Variants in KCNIP1 observed in about 807,000 individuals in gnomAD.
The protein encoded by KCNIP1 is potassium voltage-gated channel interacting protein 1, also known as A-type potassium channel modulatory protein KCNIP1.
In KCNIP1, 18 loss-of-function variants were observed where a neutral mutation model predicts 33.0. The ratio of observed to expected loss-of-function variants is 0.55; its 90% CI spans 0.38 to 0.81. The LOEUF (loss-of-function observed/expected upper bound fraction) is 0.81. Ranked by LOEUF, KCNIP1 falls within the 30% of genes least tolerant of loss-of-function variation. KCNIP1 has a pLI of 0.00. For missense variants in KCNIP1, 238 were observed against 271.6 expected (o/e 0.88, Z 0.87); for synonymous variants, 93 against 98.3 (o/e 0.95, Z 0.32).
At chr5:170,702,400 C>T (rs536869821) in intron 1 of KCNIP1, among the ~76,000 whole-genome samples, 19 of 152,310 alleles carry the variant, frequency 1.2e-4, no homozygotes, top group South Asian at 6.2e-4. Context: ...AAAAGCCACA[C>T]GCTCTGTGAC....
chr5:170,557,289 G>A (rs1264605916), intron 1 of KCNIP1, among the ~76,000 whole-genome samples: 5 of 152,196 alleles, frequency 3.3e-5, no homozygotes, highest in Non-Finnish European at 5.9e-5. Context: ...CCAGTATCCA[G>A]GCATGGTGGC....
intron 1 of KCNIP1, among the ~76,000 whole-genome samples, chr5:170,367,644 C>G (rs138766947): frequency 5.3e-4 from 81 of 152,306 alleles, no homozygotes; most frequent in African/African-American, 1.8e-3. Context: ...TACTCTTTCT[C>G]TTTACATGTC....
chr5:170,487,885 A>G (rs116812936), intron 1 of KCNIP1, among the ~76,000 whole-genome samples: 263 of 152,166 alleles, frequency 1.7e-3, no homozygotes, highest in Non-Finnish European at 2.8e-3. Flanking sequence ...GGCAACCAAT[A>G]AACACATTGG....
intron 5 of KCNIP1, among the ~76,000 whole-genome samples, chr5:170,723,861 G>A (rs1023129092): frequency 6.6e-6 from 1 of 152,220 alleles, no homozygotes; most frequent in Admixed American, 6.5e-5. Flanking sequence ...GTTCCAGGCA[G>A]AAGGAACAGC....
chr5:170,524,290 A>G (rs1282192758), intron 1 of KCNIP1, among the ~76,000 whole-genome samples: 1 of 151,750 alleles, frequency 6.6e-6, no homozygotes, highest in Non-Finnish European at 1.5e-5. Context: ...GTGACACCCA[A>G]CCCTATCAGA....
At chr5:170,467,275 G>A (rs1008915178) in intron 1 of KCNIP1, among the ~76,000 whole-genome samples, 1 of 152,134 alleles carries the variant, frequency 6.6e-6, no homozygotes, top group African/African-American at 2.4e-5. Flanking sequence ...AGAGAGACCT[G>A]AGCACATTTA....
rs1757253522 is a variant in KCNIP1, at chr5:170,567,782, G to A, written c.61+63149G>A. 2.0e-5 allele frequency among the ~76,000 whole-genome samples: 3 copies of A among 152,222 alleles called. No homozygotes were observed. In the South Asian group the frequency reaches 6.2e-4, roughly 32 times the overall value. On this transcript the variant is annotated intron_variant, in intron 1 of 7. Transcript: ENST00000328939. The stretch of plus-strand genomic sequence containing the variant: ...TTACTACCAGAGGCCATCTGTTAAT[G>A]GATGATGGGAAATGCCACTCTTGGC...
chr5:170,501,952 C>T (rs1467725419), upstream of KCNIP1, among the ~76,000 whole-genome samples: 1 of 152,192 alleles, frequency 6.6e-6, no homozygotes, highest in East Asian at 1.9e-4. Flanking sequence ...CCTGGACAAG[C>T]CCTGAGCTGG....
intron 1 of KCNIP1, among the ~76,000 whole-genome samples, chr5:170,570,645 T>C (rs900200795): frequency 1.3e-5 from 2 of 152,224 alleles, no homozygotes; most frequent in Non-Finnish European, 2.9e-5. Context: ...AAGGAATCGA[T>C]TCAGAAGTGG....
intron 1 of KCNIP1, among the ~76,000 whole-genome samples, chr5:170,567,054 T>C (rs1022563611): frequency 1.3e-5 from 2 of 152,324 alleles, no homozygotes; most frequent in South Asian, 4.1e-4. Flanking sequence ...ATCCCAGTTG[T>C]CCCTGACAGT....
chr5:170,402,615 A>G lies in KCNIP1; in HGVS notation c.88+48651A>G, dbSNP rs553119755. ...GTGAATCATTGAACATCTGATACACAGACACATTGGCCTGGAAGTGACATA... is the reference window on the plus strand; with the variant it reads ...GTGAATCATTGAACATCTGATACACGGACACATTGGCCTGGAAGTGACATA... On this transcript the variant is annotated intron_variant, in intron 1 of 7. Coordinates refer to the KCNIP1 transcript ENST00000377360. Among the ~76,000 whole-genome samples, 27 of 152,316 alleles carry G rather than the reference A, an allele frequency of 1.8e-4. No individual in the cohort carries two copies. In the South Asian group the frequency reaches 5.2e-3, roughly 29 times the overall value.
chr5:170,666,786 C>T (rs1761718834), intron 1 of KCNIP1, among the ~76,000 whole-genome samples: 1 of 152,168 alleles, frequency 6.6e-6, no homozygotes, highest in Non-Finnish European at 1.5e-5. Context: ...TTTGGCCATC[C>T]TCAGGTGGTC....
chr5:170,502,414 G>A (rs1757431817), upstream of KCNIP1, among the ~76,000 whole-genome samples: 2 of 152,192 alleles, frequency 1.3e-5, no homozygotes, highest in South Asian at 4.1e-4. Flanking sequence ...GGCATTAGGG[G>A]AAGCAGCTCT....
At chr5:170,631,691 C>T (rs879593957) in intron 1 of KCNIP1, among the ~76,000 whole-genome samples, 12 of 152,188 alleles carry the variant, frequency 7.9e-5, no homozygotes, top group Non-Finnish European at 1.6e-4. Flanking sequence ...GGGGGCACAA[C>T]CCCTCAAATC....
In KCNIP1 at chr5:170,659,058, T is replaced by G. The variant is rs75447750; in HGVS notation, c.62-59700T>G. Among the ~76,000 whole-genome samples the G allele has an allele frequency of 3.2e-3, 491 of 152,324 alleles. 3 individuals carry two copies. Among genetic ancestry groups the G allele is most frequent in the Middle Eastern group, 6.8e-3 (2 of 294 alleles). On this transcript the variant is annotated intron_variant, in intron 1 of 7. Transcript: ENST00000328939. The stretch of plus-strand genomic sequence containing the variant: ...CATTGAGACACGTACTGAGGGACTC[T>G]TTTCCTAGCCTCTCAGTCCTGACTG...
intron 1 of KCNIP1, among the ~76,000 whole-genome samples, chr5:170,686,193 G>A (rs968485112): frequency 2.0e-5 from 3 of 152,146 alleles, no homozygotes; most frequent in African/African-American, 7.2e-5. Flanking sequence ...TCTATTAGAG[G>A]AATGAAATGA....
intron 1 of KCNIP1, among the ~76,000 whole-genome samples, chr5:170,709,848 A>G (rs1422097041): frequency 6.6e-6 from 1 of 151,992 alleles, no homozygotes; most frequent in East Asian, 1.9e-4. Context: ...CTCTTATGCA[A>G]GCTTATCTGT....
intron 1 of KCNIP1, among the ~76,000 whole-genome samples, chr5:170,677,036 C>G (rs950703039): frequency 6.6e-6 from 1 of 152,206 alleles, no homozygotes; most frequent in Non-Finnish European, 1.5e-5. Context: ...ATCCAGATCT[C>G]CAGACTATAC....
At chr5:170,688,595 T>G (rs1762619623) in intron 1 of KCNIP1, among the ~76,000 whole-genome samples, 1 of 152,098 alleles carries the variant, frequency 6.6e-6, no homozygotes, top group Non-Finnish European at 1.5e-5. Flanking sequence ...AGTTCCAACT[T>G]GGGTTCACAG....
Sources: allele counts gnomAD v4.1 joint callset (sites outside exome capture counted in the v4.1 genomes callset), GRCh38; gene constraint gnomAD v4.1.1; transcripts MANE v1.5; gene names NCBI Gene and HGNC (gene_info 2026-07-23, HGNC 2026-07-21).